Variants in RRBP1 observed in about 807,000 individuals in gnomAD.
RRBP1 encodes ribosome binding protein 1.
A neutral mutation model predicts 165.2 loss-of-function variants in RRBP1; 94 were observed. The observed-to-expected ratio is 0.57, with a 90% CI of 0.48 to 0.68. The LOEUF is 0.68. RRBP1 is among the 30% of genes least tolerant of loss of function. The pLI, the probability that RRBP1 is intolerant of heterozygous loss-of-function variation, is 0.00. For synonymous variants in RRBP1, 680 were observed against 714.5 expected, an observed-to-expected ratio of 0.95 and a Z score of 0.77; for missense variants, 1,676 against 1,763.0, an observed-to-expected ratio of 0.95 and a Z score of 0.88.
In RRBP1 at chr20:17,648,804, G is replaced by C. The variant is rs77810028; in HGVS notation, c.1913-5677C>G. Among the ~76,000 whole-genome samples the C allele has an allele frequency of 5.1e-3, 772 of 152,254 alleles. 26 individuals carry two copies. Among genetic ancestry groups the C allele is most frequent in the Admixed American group, 0.04 (615 of 15,296 alleles). On this transcript the variant is annotated intron_variant, in intron 3 of 24. Coordinates refer to ENST00000377813, the MANE Select transcript of RRBP1 (RefSeq NM_001365613.2). ...AACCCACATCACAATATTTTTAAAA[G>C]AACGACAATTCCTGGAGGACCTCTG...
intron 3 of RRBP1, among the ~76,000 whole-genome samples, chr20:17,657,486 C>T (rs543473253): frequency 2.0e-5 from 3 of 152,202 alleles, no homozygotes; most frequent in African/African-American, 7.2e-5. Flanking sequence ...TTCACACCTC[C>T]TAAGATACCC....
At position 17,642,878 on chromosome 20, in the gene RRBP1, G is replaced by A. The variant is rs566858965; in HGVS notation, c.2061+101C>T. Reference sequence around the variant, plus strand: ...AATTCTGCCAGGAAAGAGAAGTGGAGGCTGTCCTATGAATGTCCTCTCTGT... The same window carrying A: ...AATTCTGCCAGGAAAGAGAAGTGGAAGCTGTCCTATGAATGTCCTCTCTGT... On this transcript the variant is annotated intron_variant, in intron 4 of 24. Coordinates refer to ENST00000377813, the MANE Select transcript of RRBP1 (RefSeq NM_001365613.2). 1.0e-5 allele frequency: 13 copies of A among 1,270,320 alleles called. No homozygotes were observed. In the African/African-American group the frequency reaches 1.6e-4, roughly 16 times the overall value. The allele number at this position is 1,270,320 out of a possible 1,614,324, so 78.7% of individuals were successfully genotyped here. A position where few individuals can be genotyped will look rare whatever the true frequency, so the allele number is the denominator to read the frequency against.
At position 17,635,738 on chromosome 20, in the gene RRBP1, G is replaced by GT; in HGVS notation, c.2338-75dup. Reference sequence around the variant, plus strand: ...AGAACTGACTTCTGAGCAGTGGTTAGTGAAGACACAGCCCACAAAAGAAAA... The same window carrying GT: ...AGAACTGACTTCTGAGCAGTGGTTAGTTGAAGACACAGCCCACAAAAGAAAA... On this transcript the variant is annotated intron_variant, in intron 6 of 24. Coordinates refer to ENST00000377813, the MANE Select transcript of RRBP1 (RefSeq NM_001365613.2). 2.7e-6 allele frequency: 3 copies of GT among 1,099,200 alleles called. No individual in the cohort carries two copies. The South Asian group carries it at 3.9e-5, about 14-fold the overall frequency. The allele number at this position is 1,099,200 out of a possible 1,614,324, so 68.1% of individuals were successfully genotyped here.
At chr20:17,644,816 C>T (rs1226129052) in intron 3 of RRBP1, among the ~76,000 whole-genome samples, 1 of 152,186 alleles carries the variant, frequency 6.6e-6, no homozygotes, top group Non-Finnish European at 1.5e-5. Context: ...TGTGAAGTAT[C>T]TGTAATAATT....
chr20:17,651,606 C>A (rs1429484999), intron 3 of RRBP1, among the ~76,000 whole-genome samples: 1 of 152,180 alleles, frequency 6.6e-6, no homozygotes, highest in Non-Finnish European at 1.5e-5. Flanking sequence ...CTGCAGCTCC[C>A]GTTTGTGGGT....
intron 16 of RRBP1, 75 bp downstream of exon 16, chr20:17,621,383 T>C (rs2236253): frequency 0.67 from 775,760 of 1,151,408 alleles, 274,192 homozygotes; most frequent in Middle Eastern, 0.74. Flanking sequence ...GGCCACCTCC[T>C]GCCCCATAGG....
intron 2 of RRBP1, among the ~76,000 whole-genome samples, chr20:17,664,810 G>T (rs569761725): frequency 6.6e-6 from 1 of 152,192 alleles, no homozygotes; most frequent in African/African-American, 2.4e-5. Flanking sequence ...CTGTGGGGTA[G>T]GGGTGGACAA....
At chr20:17,614,684 G>A (rs7261001) in intron 24 of RRBP1, 53 bp downstream of exon 24, 967,079 of 1,597,886 alleles carry the variant, frequency 0.61, 306,731 homozygotes, top group Non-Finnish European at 0.65. Context: ...CTGCCTCCCC[G>A]GGGCTCCCGG....
chr20:17,674,555 A>G (rs2037038399), intron 2 of RRBP1, among the ~76,000 whole-genome samples: 1 of 152,106 alleles, frequency 6.6e-6, no homozygotes, highest in Admixed American at 6.5e-5. Context: ...CGAGGTCAGG[A>G]GATCGAGACC....
chr20:17,619,579 G>T (rs138255326), intron 19 of RRBP1, 54 bp downstream of exon 19: 2 of 1,314,248 alleles, frequency 1.5e-6, no homozygotes, highest in Non-Finnish European at 1.1e-6. Context: ...AGCAGCTCAG[G>T]GAGGACCGCA....
intron 2 of RRBP1, among the ~76,000 whole-genome samples, chr20:17,667,891 T>G (rs1470053732): frequency 6.6e-6 from 1 of 152,244 alleles, no homozygotes; most frequent in Non-Finnish European, 1.5e-5. Flanking sequence ...CTTCATGGAT[T>G]AACTGAGGAC....
chr20:17,658,811 T>C lies in RRBP1; in HGVS notation c.1697A>G (p.Gln566Arg). 5.0e-6 allele frequency: 8 copies of C among 1,614,062 alleles called. No homozygotes were observed. Among genetic ancestry groups the C allele is most frequent in the Non-Finnish European group, 6.8e-6 (8 of 1,179,904 alleles). Residue 566 changes from glutamine to arginine, a missense_variant, in exon 3 of 25, where the codon CAG becomes CGG. Transcript: ENST00000377813. ...GGGGGACCCTTCTGCTTTTTTCCCC[T>C]GGTTTGTAATACCCTCTACCTTTGT... ...QGTKVEGITN[Q>R]GKKAEGSPSE...
At chr20:17,651,409 C>T (rs2036554800) in intron 3 of RRBP1, among the ~76,000 whole-genome samples, 1 of 152,226 alleles carries the variant, frequency 6.6e-6, no homozygotes, top group South Asian at 2.1e-4. Flanking sequence ...TAGAGACACA[C>T]AACAGTGTAT....
chr20:17,666,375 A>AT (rs1568787664), intron 2 of RRBP1, among the ~76,000 whole-genome samples: 1 of 151,974 alleles, frequency 6.6e-6, no homozygotes, highest in African/African-American at 2.4e-5. Flanking sequence ...CCATACTTCT[A>AT]TAAGATTTTA....
At chr20:17,651,526 ATGTGGCAGTTTCGCAGGTGC>A (rs949753980) in intron 3 of RRBP1, among the ~76,000 whole-genome samples, 4 of 152,230 alleles carry the variant, frequency 2.6e-5, no homozygotes, top group Admixed American at 1.3e-4. Context: ...ATGCAGCTGA[ATGTGGCAGTTTCGCAGGTGC>A]AATACGGAAA....
intron 2 of RRBP1, among the ~76,000 whole-genome samples, chr20:17,672,867 A>T (rs903256458): frequency 6.6e-6 from 1 of 152,226 alleles, no homozygotes; most frequent in South Asian, 2.1e-4. Context: ...GTTGAGTGAA[A>T]GACACAAAAG....
chr20:17,636,775 C>A (rs772416469), intron 5 of RRBP1, 46 bp from the exon 6 acceptor site: 7 of 1,607,840 alleles, frequency 4.4e-6, no homozygotes, highest in Non-Finnish European at 5.9e-6. Flanking sequence ...CCTTGCAGGG[C>A]AGGAGCCTAT....
At chr20:17,674,372 T>C (rs542552060) in intron 2 of RRBP1, among the ~76,000 whole-genome samples, 1 of 152,172 alleles carries the variant, frequency 6.6e-6, no homozygotes, top group East Asian at 1.9e-4. Context: ...GAAAAGAACA[T>C]CACCATGAGG....
chr20:17,620,646 A>G (rs1302630948), intron 17 of RRBP1, 69 bp downstream of exon 17: 4 of 1,185,244 alleles, frequency 3.4e-6, no homozygotes, highest in Non-Finnish European at 4.9e-6. Context: ...TGACAGAGAC[A>G]ATCCTGTCAA....
Sources: allele counts gnomAD v4.1 joint callset (sites outside exome capture counted in the v4.1 genomes callset), GRCh38; gene constraint gnomAD v4.1.1; transcripts MANE v1.5; gene names NCBI Gene and HGNC (gene_info 2026-07-23, HGNC 2026-07-21).